The following HS3ST5 variants were observed in gnomAD, a reference collection of about 807,000 sequenced individuals.
HS3ST5 encodes the protein heparan sulfate-glucosamine 3-sulfotransferase 5, also known as heparan sulfate glucosamine 3-O-sulfotransferase 5.
In HS3ST5, 10 loss-of-function variants were observed where a neutral mutation model predicts 25.4. That is an observed-to-expected ratio of 0.39 (90% CI 0.24 to 0.67). HS3ST5 has a LOEUF of 0.67. HS3ST5 is among the 30% of genes least tolerant of loss of function. The probability of loss-of-function intolerance (pLI) is 0.44; values close to 1 mark genes in which losing one functional copy is unlikely to be tolerated. For synonymous variants in HS3ST5, 170 were observed against 162.4 expected (o/e 1.05, Z -0.36); for missense variants, 324 against 420.7 (o/e 0.77, Z 2.01).
At chr6:114,065,036 A>G (rs1415197353) in intron 3 of HS3ST5, among the ~76,000 whole-genome samples, 4 of 152,182 alleles carry the variant, frequency 2.6e-5, no homozygotes, top group Non-Finnish European at 5.9e-5. Context: ...AGGCTGGATG[A>G]GCCTGTGGTT....
intron 3 of HS3ST5, among the ~76,000 whole-genome samples, chr6:114,124,612 C>G (rs1245678907): frequency 6.7e-6 from 1 of 149,330 alleles, no homozygotes; most frequent in Admixed American, 6.7e-5. Flanking sequence ...TGGTAAGCAG[C>G]TCTGTCCAGG....
At chr6:114,289,088 T>C (rs1009691454) in intron 1 of HS3ST5, among the ~76,000 whole-genome samples, 2 of 152,122 alleles carry the variant, frequency 1.3e-5, no homozygotes, top group African/African-American at 4.8e-5. Context: ...GATGAGTGAA[T>C]ATATTTAACC....
intron 3 of HS3ST5, among the ~76,000 whole-genome samples, chr6:114,154,793 T>G (rs576419886): frequency 6.6e-6 from 1 of 152,256 alleles, no homozygotes; most frequent in African/African-American, 2.4e-5. Flanking sequence ...TTCACGCAGA[T>G]GTGGGCAGGG....
At chr6:114,275,874 G>T (rs1392420323) in intron 1 of HS3ST5, among the ~76,000 whole-genome samples, 1 of 151,868 alleles carries the variant, frequency 6.6e-6, no homozygotes, top group African/African-American at 2.4e-5. Flanking sequence ...CAGGTCTTTG[G>T]CCCACAGGCT....
At chr6:114,269,438 T>G (rs1008004877) in intron 1 of HS3ST5, among the ~76,000 whole-genome samples, 4 of 152,290 alleles carry the variant, frequency 2.6e-5, no homozygotes, top group South Asian at 4.1e-4. Flanking sequence ...AAGCAAAATT[T>G]GAATAGTTGT....
At chr6:114,341,793 G>A (rs1776889679) in intron 1 of HS3ST5, among the ~76,000 whole-genome samples, 1 of 152,064 alleles carries the variant, frequency 6.6e-6, no homozygotes, top group Admixed American at 6.5e-5. Flanking sequence ...GCTCCAAACA[G>A]CTCCACAGCC....
At chr6:114,165,314 T>C (rs1196679148) in intron 3 of HS3ST5, among the ~76,000 whole-genome samples, 1 of 152,168 alleles carries the variant, frequency 6.6e-6, no homozygotes, top group Non-Finnish European at 1.5e-5. Flanking sequence ...CAGCATCGGG[T>C]CAGCATCAGC....
intron 1 of HS3ST5, among the ~76,000 whole-genome samples, chr6:114,298,319 C>G (rs1042568535): frequency 9.9e-5 from 15 of 152,100 alleles, no homozygotes; most frequent in Non-Finnish European, 1.9e-4. Context: ...AAAGAAGATC[C>G]ATCAGAATTT....
In HS3ST5 at chr6:114,221,543, C is replaced by T. The variant is rs867382737; in HGVS notation, c.-145+7042G>A. ...GACCAGGATTACAGTTATAGTGATA[C>T]TATAATAGTTTAAAATTATTCCATG... On this transcript the variant is annotated intron_variant, in intron 2 of 4. Coordinates refer to ENST00000312719, the MANE Select transcript of HS3ST5 (RefSeq NM_153612.4). 2.0e-5 allele frequency among the ~76,000 whole-genome samples: 3 copies of T among 151,364 alleles called. No homozygotes were observed. The South Asian group carries it at 6.2e-4, about 31-fold the overall frequency.
At chr6:114,137,249 A>G (rs1777666037) in intron 3 of HS3ST5, among the ~76,000 whole-genome samples, 1 of 152,216 alleles carries the variant, frequency 6.6e-6, no homozygotes, top group Non-Finnish European at 1.5e-5. Context: ...TATCCCATTT[A>G]TAGTTTCAAA....
chr6:114,112,580 A>G (rs546383354), intron 3 of HS3ST5: 4 of 152,316 alleles, frequency 2.6e-5, no homozygotes, highest in South Asian at 4.1e-4. Context: ...TCAACTATCT[A>G]CTTACTCTCT....
chr6:114,341,662 C>G (rs947078624), intron 1 of HS3ST5, among the ~76,000 whole-genome samples: 98 of 150,146 alleles, frequency 6.5e-4, no homozygotes, highest in African/African-American at 2.2e-3. Context: ...GTGGGGGGGG[C>G]CAGCTGGGAA....
intron 1 of HS3ST5, among the ~76,000 whole-genome samples, chr6:114,297,374 C>G (rs558604960): frequency 1.3e-5 from 2 of 152,062 alleles, no homozygotes; most frequent in Admixed American, 6.5e-5. Context: ...GCAGGGAACA[C>G]CTGTAGATGC....
In HS3ST5 at chr6:114,184,054, C is replaced by CTTTT. The variant is rs34370810; in HGVS notation, c.-144-15596_-144-15593dup. On this transcript the variant is annotated intron_variant, in intron 2 of 4. Coordinates refer to ENST00000312719, the MANE Select transcript of HS3ST5 (RefSeq NM_153612.4). ...AGAAGATTTCTTTTCTTTTTCCTTT[C>CTTTT]TTTTTTTTTTTTTTTTTTTTTTTTT... Among the ~76,000 whole-genome samples the CTTTT allele has an allele frequency of 4.2e-4, 33 of 78,736 alleles. 1 individual carries two copies. The highest frequency in any genetic ancestry group is 0.015 in the Middle Eastern group (1 of 68). 51.7% of individuals were successfully genotyped at this position (78,736 alleles called of 152,430 possible). A position where few individuals can be genotyped will look rare whatever the true frequency, so the allele number is the denominator to read the frequency against.
chr6:114,151,969 C>T (rs947493394), intron 3 of HS3ST5, among the ~76,000 whole-genome samples: 4 of 151,996 alleles, frequency 2.6e-5, no homozygotes, highest in African/African-American at 9.7e-5. Context: ...GAGGGTCTGT[C>T]GCCTAGGCTG....
chr6:114,139,602 A>G (rs969529433), intron 3 of HS3ST5, among the ~76,000 whole-genome samples: 5 of 152,168 alleles, frequency 3.3e-5, no homozygotes, highest in Admixed American at 6.5e-5. Context: ...CTATTTAAAG[A>G]TTTATCCCCT....
intron 1 of HS3ST5, among the ~76,000 whole-genome samples, chr6:114,242,710 G>A (rs893062403): frequency 2.0e-5 from 3 of 151,868 alleles, no homozygotes; most frequent in Non-Finnish European, 2.9e-5. Context: ...AAAATTAGCC[G>A]GGCGCGGTGG....
intron 3 of HS3ST5, among the ~76,000 whole-genome samples, chr6:114,122,066 C>T (rs563962610): frequency 6.6e-6 from 1 of 152,188 alleles, no homozygotes; most frequent in Non-Finnish European, 1.5e-5. Context: ...CCAGACATCA[C>T]CCCCTGTCCC....
chr6:114,322,827 C>A (rs1776020216), intron 1 of HS3ST5, among the ~76,000 whole-genome samples: 1 of 152,176 alleles, frequency 6.6e-6, no homozygotes, highest in Non-Finnish European at 1.5e-5. Context: ...TTAAACTTCA[C>A]AAATATTTGC....
Sources: allele counts gnomAD v4.1 joint callset (sites outside exome capture counted in the v4.1 genomes callset), GRCh38; gene constraint gnomAD v4.1.1; transcripts MANE v1.5; gene names NCBI Gene and HGNC (gene_info 2026-07-23, HGNC 2026-07-21).